CDKN2C: variants seen among roughly 807,000 people sequenced by gnomAD.
CDKN2C encodes cyclin dependent kinase inhibitor 2C.
Under a neutral mutation model 11.0 loss-of-function variants are expected in CDKN2C, and 5 were observed. The observed-to-expected ratio is 0.45, with a 90% CI of 0.24 to 0.95. The LOEUF (loss-of-function observed/expected upper bound fraction) is 0.95. Among genes scored for constraint, CDKN2C ranks in the 40% least tolerant of loss-of-function variants. CDKN2C has a pLI of 0.21. For missense variants in CDKN2C, 161 were observed against 211.9 expected (o/e 0.76, Z 1.49); for synonymous variants, 79 against 88.3 (o/e 0.89, Z 0.59).
rs1416767214 is a variant in CDKN2C at position 50,970,468 on chromosome 1, C to A, written c.100C>A (p.Gln34Lys). The change falls in exon 1 of 2, where the codon CAA becomes AAA. Residue 34 changes from glutamine (Q) to lysine (K), a missense_variant. Transcript: ENST00000371761. Reference sequence around the variant, plus strand: ...GCAAAATAATGTAAACGTCAATGCACAAAATGGATTTGGAAGGACTGCGCT... The same window carrying A: ...GCAAAATAATGTAAACGTCAATGCAAAAAATGGATTTGGAAGGACTGCGCT... ...LLQNNVNVNA[Q>K]NGFGRTALQV... is the part of the protein sequence containing the mutation. The A allele has an allele frequency of 6.2e-7, 1 of 1,613,992 alleles. No homozygotes were observed. The highest frequency in any genetic ancestry group is 1.7e-5 in the Admixed American group (1 of 59,994).
At chr1:50,965,221 C>A (rs1042177982) in intron 1 of CDKN2C, among the ~76,000 whole-genome samples, 1 of 148,762 alleles carries the variant, frequency 6.7e-6, no homozygotes, top group African/African-American at 2.5e-5. Context: ...ACTTTCAGGC[C>A]GGGTGCGGTG....
intron 1 of CDKN2C, among the ~76,000 whole-genome samples, chr1:50,972,100 C>G (rs1645384171): frequency 6.6e-6 from 1 of 152,118 alleles, no homozygotes; most frequent in Non-Finnish European, 1.5e-5. Flanking sequence ...GCCTTTTCCA[C>G]CTTCCTAGTG....
upstream of CDKN2C, among the ~76,000 whole-genome samples, chr1:50,967,603 T>G (rs1365408871): frequency 6.6e-6 from 1 of 152,244 alleles, no homozygotes; most frequent in Non-Finnish European, 1.5e-5. Context: ...CATTTTTTGC[T>G]TGGTTTCATT....
chr1:50,965,641 C>G (rs1324947911), upstream of CDKN2C, among the ~76,000 whole-genome samples: 1 of 151,920 alleles, frequency 6.6e-6, no homozygotes, highest in Non-Finnish European at 1.5e-5. Context: ...CCTGGGAAGT[C>G]AAGGCTTCAG....
chr1:50,971,729 T>G (rs1401299783), intron 1 of CDKN2C, among the ~76,000 whole-genome samples: 1 of 152,196 alleles, frequency 6.6e-6, no homozygotes, highest in Non-Finnish European at 1.5e-5. Context: ...ACTTAACCCA[T>G]GTTCATGATA....
At chr1:50,970,613 T>C in intron 1 of CDKN2C, 116 bp downstream of exon 1, 1 of 1,226,646 alleles carries the variant, frequency 8.2e-7, no homozygotes, top group Non-Finnish European at 1.2e-6. Flanking sequence ...TTTTTAAACC[T>C]AGTTGGTTGC....
intron 1 of CDKN2C, among the ~76,000 whole-genome samples, chr1:50,971,879 A>T (rs1463594090): frequency 1.3e-5 from 2 of 152,134 alleles, no homozygotes; most frequent in Non-Finnish European, 2.9e-5. Flanking sequence ...ACACCCACTT[A>T]TTGTGGCTTA....
intron 1 of CDKN2C, among the ~76,000 whole-genome samples, chr1:50,971,782 A>G (rs1353411379): frequency 6.6e-6 from 1 of 152,208 alleles, no homozygotes; most frequent in Non-Finnish European, 1.5e-5. Context: ...CTGGGAAATT[A>G]ATAATATTCT....
chr1:50,970,022 C>T, upstream of CDKN2C: 1 of 427,486 alleles, frequency 2.3e-6, no homozygotes, highest in Non-Finnish European at 4.3e-6. Context: ...AGGTACGTGA[C>T]AGCTCTGCCT....
rs148188896 is a variant in CDKN2C at position 50,974,257 on chromosome 1, C to T, written c.494C>T (p.Thr165Ile). 23 of 1,556,192 alleles carry T rather than the reference C, an allele frequency of 1.5e-5. No homozygotes were observed. Among genetic ancestry groups the T allele is most frequent in the Admixed American group, 7.7e-5 (4 of 51,654 alleles). The change falls in exon 2 of 2, where the codon ACA becomes ATA. Residue 165 changes from threonine (T) to isoleucine (I), a missense_variant. Thr to Ile is a moderately conservative substitution (Grantham distance 89). Transcript: ENST00000371761. ...CAGGCAAACGGGGCTGGGGGAGCCA[C>T]AAATCTTCAATAAACGTGGGGAGGG... ...LMQANGAGGA[T>I]NLQ is the part of the protein sequence containing the mutation.
chr1:50,971,402 G>A (rs1645379789), intron 1 of CDKN2C, among the ~76,000 whole-genome samples: 1 of 152,112 alleles, frequency 6.6e-6, no homozygotes, highest in African/African-American at 2.4e-5. Context: ...GTTTTTAGAG[G>A]GCTTTGTTTC....
At chr1:50,966,634 T>C (rs753119501), upstream of CDKN2C, among the ~76,000 whole-genome samples, 10 of 152,110 alleles carry the variant, frequency 6.6e-5, no homozygotes, top group African/African-American at 9.7e-5. Context: ...GTAATACTTA[T>C]GTATGCCTTC....
intron 1 of CDKN2C, among the ~76,000 whole-genome samples, chr1:50,964,910 C>T (rs544234479): frequency 7.3e-5 from 11 of 151,706 alleles, no homozygotes; most frequent in African/African-American, 2.7e-4. Flanking sequence ...AAAAATTAGC[C>T]GGGCGTGGTG....
upstream of CDKN2C, chr1:50,969,064 T>G (rs1267940674): frequency 6.6e-6 from 1 of 152,212 alleles, no homozygotes; most frequent in East Asian, 1.9e-4. This position sits in a 1 kb window ranked among gnomAD's most constrained non-coding sequence, Gnocchi z 6.6. Flanking sequence ...GGCTGCCCTG[T>G]CCGCAGCAAA....
upstream of CDKN2C, chr1:50,968,323 C>T (rs1429379325): frequency 6.6e-6 from 1 of 152,458 alleles, no homozygotes; most frequent in Non-Finnish European, 1.5e-5. Context: ...CGCTGTCCGC[C>T]TTCCCGCAGC....
chr1:50,967,640 G>A (rs1017447953), upstream of CDKN2C, among the ~76,000 whole-genome samples: 1 of 152,214 alleles, frequency 6.6e-6, no homozygotes, highest in Non-Finnish European at 1.5e-5. Flanking sequence ...TCATGCAACC[G>A]TGTTGGATAT....
rs139937761 is a variant in CDKN2C at position 50,961,014 on chromosome 1, TTTTATTTA to T, written c.-1976+238_-1976+245del. Among the ~76,000 whole-genome samples the T allele has an allele frequency of 2.0e-4, 30 of 149,576 alleles. 1 individual carries two copies. Among genetic ancestry groups the T allele is most frequent in the East Asian group, 3.9e-4 (2 of 5,104 alleles). ...CCAGCTTTGAATATAGTCAGTCTAT[TTTTATTTA>T]TTTATTTATTTATTTATTTATTTAT... On this transcript the variant is annotated intron_variant, in intron 1 of 3. Coordinates refer to the CDKN2C transcript ENST00000262662.
rs1249856760 is a variant in CDKN2C, at chr1:50,973,791, CA to C, written c.130-97del. ...TATGGGTCTTCCGCAAGAACTCCAT[CA>C]AAAATAAATAGTTACATAAATGGAA... On this transcript the variant is annotated intron_variant, in intron 1 of 1. Coordinates refer to ENST00000371761, the MANE Select transcript of CDKN2C (RefSeq NM_078626.3). The C allele has an allele frequency of 4.2e-6, 6 of 1,432,420 alleles. No individual in the cohort carries two copies. The African/African-American group carries it at 5.6e-5, about 13-fold the overall frequency. The allele number at this position is 1,432,420 out of a possible 1,614,324, so 88.7% of individuals were successfully genotyped here. A position where few individuals can be genotyped will look rare whatever the true frequency, so the allele number is the denominator to read the frequency against.
At chr1:50,963,898 T>C (rs1274743734) in intron 1 of CDKN2C, among the ~76,000 whole-genome samples, 39 of 152,026 alleles carry the variant, frequency 2.6e-4, no homozygotes. Flanking sequence ...TTCATGGAGC[T>C]CAGCCTAAGT....
Sources: gnomAD v4.1 joint callset for allele counts (sites outside exome capture counted in the v4.1 genomes callset) on GRCh38, gnomAD v4.1.1 for gene constraint, Gnocchi (gnomAD v3.1) non-coding constraint, MANE v1.5 for transcripts, NCBI Gene and HGNC (gene_info 2026-07-23, HGNC 2026-07-21) for gene names.